The following DNMBP variants were observed in gnomAD, a reference collection of about 807,000 sequenced individuals.
DNMBP encodes dynamin-binding protein.
A neutral mutation model predicts 150.0 loss-of-function variants in DNMBP; 87 were observed. The ratio of observed to expected loss-of-function variants is 0.58; its 90% CI spans 0.49 to 0.69. The LOEUF (loss-of-function observed/expected upper bound fraction) is 0.69. Among genes scored for constraint, DNMBP ranks in the 30% least tolerant of loss-of-function variants. DNMBP has a pLI of 0.00. For synonymous variants in DNMBP, 711 were observed against 750.4 expected (o/e 0.95, Z 0.86); for missense variants, 1,774 against 1,949.0 (o/e 0.91, Z 1.69).
In DNMBP at chr10:99,989,122, T is replaced by C. The variant is rs2040859225; in HGVS notation, c.-10-16988A>G. Among the ~76,000 whole-genome samples, 3 of 152,374 alleles carry C rather than the reference T, an allele frequency of 2.0e-5. No homozygotes were observed. In the South Asian group the frequency reaches 6.2e-4, roughly 32 times the overall value. Reference sequence around the variant, plus strand: ...TATATCCTTACAAGATGTGTAATTATATGTGTATAATAATGTATATCATTA... The same window carrying C: ...TATATCCTTACAAGATGTGTAATTACATGTGTATAATAATGTATATCATTA... On this transcript the variant is annotated intron_variant, in intron 1 of 16. Coordinates refer to ENST00000324109, the MANE Select transcript of DNMBP (RefSeq NM_015221.4).
At position 99,886,653 on chromosome 10, in the gene DNMBP, C is replaced by G. The variant is rs1252544745; in HGVS notation, c.3286-21G>C. The G allele has an allele frequency of 1.9e-6, 3 of 1,596,848 alleles. No individual in the cohort carries two copies. The Admixed American group carries it at 5.1e-5, about 27-fold the overall frequency. On this transcript the variant is annotated intron_variant, in intron 12 of 16. Coordinates refer to ENST00000324109, the MANE Select transcript of DNMBP (RefSeq NM_015221.4). ...TCCTTCTGTAGGGACGAGAAAGGCA[C>G]ATTGCTCAGCTGGACAGCATCCCAC... is the stretch of plus-strand genomic sequence containing the variant.
At chr10:99,878,570 A>C (rs1298886945) in intron 16 of DNMBP, among the ~76,000 whole-genome samples, 2 of 152,192 alleles carry the variant, frequency 1.3e-5, no homozygotes, top group Non-Finnish European at 2.9e-5. Context: ...GGCACTGAGG[A>C]ATGTGCTATG....
At chr10:99,887,846 C>G (rs771532224) in intron 12 of DNMBP, among the ~76,000 whole-genome samples, 1 of 152,048 alleles carries the variant, frequency 6.6e-6, no homozygotes, top group Non-Finnish European at 1.5e-5. Context: ...TTTTTTGAGA[C>G]AGAGTTTCGC....
At chr10:99,937,288 G>C (rs1280972764) in intron 4 of DNMBP, among the ~76,000 whole-genome samples, 1 of 151,814 alleles carries the variant, frequency 6.6e-6, no homozygotes, top group African/African-American at 2.4e-5. Flanking sequence ...AACAGCAGCA[G>C]CAGCAACAGC....
intron 3 of DNMBP, among the ~76,000 whole-genome samples, chr10:99,963,063 T>G (rs1326119281): frequency 6.6e-6 from 1 of 152,158 alleles, no homozygotes; most frequent in Non-Finnish European, 1.5e-5. Context: ...TATTTTAAAA[T>G]TCATTTGATT....
chr10:99,970,206 T>C (rs1274726862), intron 2 of DNMBP, among the ~76,000 whole-genome samples: 3 of 152,208 alleles, frequency 2.0e-5, no homozygotes, highest in African/African-American at 7.2e-5. Flanking sequence ...CCATTTCTAC[T>C]GGGAAATAAT....
intron 4 of DNMBP, among the ~76,000 whole-genome samples, chr10:99,933,299 AAAT>A (rs1260735967): frequency 2.0e-5 from 3 of 151,404 alleles, no homozygotes; most frequent in African/African-American, 4.9e-5. Flanking sequence ...CTGTCTCAAA[AAAT>A]AATAATAATC....
intron 1 of DNMBP, among the ~76,000 whole-genome samples, chr10:100,009,595 C>T (rs758826591): frequency 6.6e-5 from 10 of 152,196 alleles, no homozygotes; most frequent in Non-Finnish European, 1.2e-4. Context: ...CTGACCACCC[C>T]TCCAACTCCC....
intron 4 of DNMBP, among the ~76,000 whole-genome samples, chr10:99,938,742 T>G (rs1302204066): frequency 6.6e-6 from 1 of 152,190 alleles, no homozygotes; most frequent in Non-Finnish European, 1.5e-5. Flanking sequence ...GTGAATGGGT[T>G]GCCATTTTTG....
chr10:99,910,184 A>G (rs1034319072), intron 4 of DNMBP, among the ~76,000 whole-genome samples: 6 of 152,046 alleles, frequency 3.9e-5, no homozygotes, highest in African/African-American at 7.3e-5. Context: ...CTACTTAAGG[A>G]AAGTCGGCCT....
At chr10:99,909,666 C>T (rs2039876753) in intron 4 of DNMBP, among the ~76,000 whole-genome samples, 1 of 152,114 alleles carries the variant, frequency 6.6e-6, no homozygotes, top group Admixed American at 6.5e-5. Flanking sequence ...ATTTTCCAGT[C>T]ACTGTAATGG....
chr10:99,954,776 C>A (rs1432218734), intron 4 of DNMBP, among the ~76,000 whole-genome samples: 2 of 131,312 alleles, frequency 1.5e-5, no homozygotes, highest in African/African-American at 2.9e-5. Context: ...AGAGGCCGGG[C>A]GTGGTGGCTC....
At chr10:99,916,593 A>T (rs184513659) in intron 4 of DNMBP, among the ~76,000 whole-genome samples, 4 of 152,332 alleles carry the variant, frequency 2.6e-5, no homozygotes, top group Admixed American at 2.6e-4. Context: ...TCATTTTAAA[A>T]GTTAAAATCG....
intron 3 of DNMBP, among the ~76,000 whole-genome samples, chr10:99,963,236 T>G (rs1368978784): frequency 6.8e-6 from 1 of 147,828 alleles, no homozygotes; most frequent in Non-Finnish European, 1.5e-5. Context: ...GCCCAGCTAA[T>G]TTTTTTTTTT....
At chr10:99,904,367 G>A (rs1418939276) in intron 6 of DNMBP, among the ~76,000 whole-genome samples, 2 of 151,888 alleles carry the variant, frequency 1.3e-5, no homozygotes, top group East Asian at 3.9e-4. Context: ...TTAAAATCAG[G>A]TAAAGCGAGT....
intron 11 of DNMBP, among the ~76,000 whole-genome samples, chr10:99,891,880 T>G (rs1464520901): frequency 2.1e-5 from 3 of 139,712 alleles, no homozygotes; most frequent in South Asian, 2.3e-4. Flanking sequence ...GTCTGGGAGG[T>G]GAGGAGCGTC....
chr10:99,957,243 T>A, intron 3 of DNMBP, 38 bp from the exon 4 acceptor site: 4 of 1,561,142 alleles, frequency 2.6e-6, no homozygotes, highest in Non-Finnish European at 1.7e-6. Flanking sequence ...ACCTCAGTCA[T>A]CACCCAGCAG....
At chr10:99,904,932 C>T (rs748340856) in intron 6 of DNMBP, among the ~76,000 whole-genome samples, 5 of 152,068 alleles carry the variant, frequency 3.3e-5, no homozygotes, top group South Asian at 2.1e-4. Flanking sequence ...GGGGAGAAGG[C>T]GCCTTGCAGA....
intron 10 of DNMBP, among the ~76,000 whole-genome samples, chr10:99,895,995 C>CT (rs1338119400): frequency 6.6e-6 from 1 of 152,124 alleles, no homozygotes; most frequent in East Asian, 1.9e-4. Context: ...TTCCTGCTAG[C>CT]TTAGTAAGTC....
Sources: gnomAD v4.1 joint callset for allele counts (sites outside exome capture counted in the v4.1 genomes callset) on GRCh38, gnomAD v4.1.1 for gene constraint, MANE v1.5 for transcripts, NCBI Gene and HGNC (gene_info 2026-07-23, HGNC 2026-07-21) for gene names.